The following MGST1 variants were observed in gnomAD, a reference collection of about 807,000 sequenced individuals.
MGST1 encodes glutathione S-transferase 12.
A neutral mutation model predicts 8.9 loss-of-function variants in MGST1; 5 were observed. The observed-to-expected ratio is 0.56, with a 90% CI of 0.29 to 1.19. The LOEUF (loss-of-function observed/expected upper bound fraction) is 1.19, where lower values mean the gene tolerates loss of function less well. Ranked by LOEUF, MGST1 falls within the 50% of genes most tolerant of loss-of-function variation. The pLI is 0.08. For synonymous variants in MGST1, 54 were observed against 67.8 expected, an observed-to-expected ratio of 0.80 and a Z score of 1.00; for missense variants, 182 against 187.4, an observed-to-expected ratio of 0.97 and a Z score of 0.17.
chr12:16,453,285 T>G (rs1216097186), intron 4 of MGST1, among the ~76,000 whole-genome samples: 2 of 151,920 alleles, frequency 1.3e-5, no homozygotes, highest in African/African-American at 4.8e-5. Context: ...CTTCCTGATA[T>G]AAAAAGCTGT....
intron 4 of MGST1, among the ~76,000 whole-genome samples, chr12:16,485,638 A>C (rs1426104864): frequency 1.3e-5 from 2 of 152,158 alleles, no homozygotes; most frequent in Admixed American, 6.6e-5. Context: ...TAATTTACCT[A>C]CCCACATATC....
intron 1 of MGST1, among the ~76,000 whole-genome samples, chr12:16,425,104 G>T (rs1445671426): frequency 6.6e-6 from 1 of 152,094 alleles, no homozygotes; most frequent in Non-Finnish European, 1.5e-5. Context: ...ATGGAACCCA[G>T]GGTTAGAATG....
intron 4 of MGST1, among the ~76,000 whole-genome samples, chr12:16,470,621 T>C (rs1343613242): frequency 2.0e-5 from 3 of 152,184 alleles, no homozygotes; most frequent in Non-Finnish European, 2.9e-5. Context: ...AGTATAGATA[T>C]GATGAAGAAT....
At chr12:16,491,733 C>T (rs1246259978) in intron 4 of MGST1, among the ~76,000 whole-genome samples, 3 of 152,242 alleles carry the variant, frequency 2.0e-5, no homozygotes, top group African/African-American at 7.2e-5. Flanking sequence ...TTATGTTTAG[C>T]TATATTCTTT....
chr12:16,504,810 C>T (rs1477997620), intron 4 of MGST1, among the ~76,000 whole-genome samples: 1 of 152,162 alleles, frequency 6.6e-6, no homozygotes, highest in East Asian at 1.9e-4. Flanking sequence ...TCCCCACAAA[C>T]TTGCTTAAAA....
chr12:16,418,964 G>A (rs1234350646), intron 1 of MGST1, among the ~76,000 whole-genome samples: 1 of 151,966 alleles, frequency 6.6e-6, no homozygotes, highest in Non-Finnish European at 1.5e-5. Context: ...TAGTGTTTGC[G>A]AGTCCTAAAT....
intron 1 of MGST1, among the ~76,000 whole-genome samples, chr12:16,412,754 C>T (rs1940753226): frequency 1.3e-5 from 2 of 152,178 alleles, no homozygotes; most frequent in African/African-American, 4.8e-5. Flanking sequence ...CACCTTCTGC[C>T]ATGATTGTGA....
chr12:16,487,346 A>G (rs1181565802), intron 4 of MGST1, among the ~76,000 whole-genome samples: 1 of 152,224 alleles, frequency 6.6e-6, no homozygotes, highest in African/African-American at 2.4e-5. Flanking sequence ...TCTACAAAAT[A>G]TTCTGGGAAG....
chr12:16,402,343 ATCT>A, intron 1 of MGST1: 1 of 1,600,658 alleles, frequency 6.2e-7, no homozygotes, highest in Non-Finnish European at 8.6e-7. Flanking sequence ...TGGCATACTC[ATCT>A]TCTCCTTTCT....
At chr12:16,551,032 A>C (rs1434148242) in intron 4 of MGST1, 3 of 498,888 alleles carry the variant, frequency 6.0e-6, no homozygotes, top group African/African-American at 5.7e-5. Flanking sequence ...TTTAATAATA[A>C]ACATTCAACT....
rs1941813802 is a variant in MGST1 at position 16,544,782 on chromosome 12, T to C, written n.483-44746T>C. Among the ~76,000 whole-genome samples, 1 of 152,060 alleles carries C rather than the reference T, an allele frequency of 6.6e-6. No homozygotes were observed. The highest frequency in any genetic ancestry group is 2.4e-5 in the African/African-American group (1 of 41,436). On this transcript the variant is annotated intron_variant and non_coding_transcript_variant, in intron 4 of 4. Transcript: ENST00000538857. The surrounding 1 kb of genome is among the most constrained non-coding windows in gnomAD (Gnocchi z 4.8). ...CACTGGGTTATGAAAAATTATAACCTATATGAAAGACTTGGAATTATGAAA... is the reference window on the plus strand; with the variant it reads ...CACTGGGTTATGAAAAATTATAACCCATATGAAAGACTTGGAATTATGAAA...
At chr12:16,554,181 T>C (rs1591766296) in intron 4 of MGST1, among the ~76,000 whole-genome samples, 1 of 152,298 alleles carries the variant, frequency 6.6e-6, no homozygotes, top group East Asian at 1.9e-4. Context: ...ATGAAACAAG[T>C]GTAAATAGTA....
At chr12:16,356,486 G>C (rs930767070) in intron 2 of MGST1, among the ~76,000 whole-genome samples, 1 of 151,810 alleles carries the variant, frequency 6.6e-6, no homozygotes. Context: ...CCTGTGCATC[G>C]GTTCTCTTCA....
rs571273943 is a variant in MGST1, at chr12:16,500,062, A to G, written n.483-89466A>G. On this transcript the variant is annotated intron_variant and non_coding_transcript_variant, in intron 4 of 4. Transcript: ENST00000538857. This position sits in a 1 kb window ranked among gnomAD's most constrained non-coding sequence, Gnocchi z 4.3. Reference sequence around the variant, plus strand: ...AGCTAGAATTCCAGGGGATAGTTTCATAAGTATGTTTAAACTTTAGATATT... The same window carrying G: ...AGCTAGAATTCCAGGGGATAGTTTCGTAAGTATGTTTAAACTTTAGATATT... Among the ~76,000 whole-genome samples the G allele has an allele frequency of 6.6e-6, 1 of 152,336 alleles. No individual in the cohort carries two copies. The highest frequency in any genetic ancestry group is 1.9e-4 in the East Asian group (1 of 5,192).
chr12:16,423,400 C>T (rs866262309), intron 1 of MGST1, among the ~76,000 whole-genome samples: 1 of 152,230 alleles, frequency 6.6e-6, no homozygotes, highest in South Asian at 2.1e-4. Context: ...AAAAACAATT[C>T]TCTGATATTT....
At chr12:16,461,622 C>T (rs1398268994) in intron 4 of MGST1, among the ~76,000 whole-genome samples, 1 of 151,998 alleles carries the variant, frequency 6.6e-6, no homozygotes, top group African/African-American at 2.4e-5. Flanking sequence ...GGGTTCGAAC[C>T]CATGAGAAAA....
At chr12:16,498,413 A>C (rs1941483678) in intron 4 of MGST1, among the ~76,000 whole-genome samples, 1 of 152,190 alleles carries the variant, frequency 6.6e-6, no homozygotes, top group African/African-American at 2.4e-5. Flanking sequence ...ACCAAGAAAC[A>C]GAAAATTGAA....
chr12:16,517,433 C>CATG lies in MGST1; in HGVS notation n.483-72095_483-72094insATG, dbSNP rs140186949. 0.052 allele frequency among the ~76,000 whole-genome samples: 7,912 copies of CATG among 152,202 alleles called. 536 individuals carry two copies. The highest frequency in any genetic ancestry group is 0.17 in the East Asian group (873 of 5,168). On this transcript the variant is annotated intron_variant and non_coding_transcript_variant, in intron 4 of 4. Transcript: ENST00000538857. The surrounding 1 kb of genome is among the most constrained non-coding windows in gnomAD (Gnocchi z 4.2). ...TCTTTTGCCTTGTGATGCCTCCTGC[C>CATG]TTCTGACACAGCAAGAAGGCCTGTA...
intron 4 of MGST1, among the ~76,000 whole-genome samples, chr12:16,543,489 C>T (rs1156311850): frequency 6.6e-6 from 1 of 151,966 alleles, no homozygotes; most frequent in East Asian, 1.9e-4. Flanking sequence ...ATAAACCATG[C>T]CTGATGCTCA....
Sources: allele counts gnomAD v4.1 joint callset (sites outside exome capture counted in the v4.1 genomes callset), GRCh38; gene constraint gnomAD v4.1.1; non-coding constraint Gnocchi (gnomAD v3.1); transcripts MANE v1.5; gene names NCBI Gene and HGNC (gene_info 2026-07-23, HGNC 2026-07-21).